The following IL6ST variants were observed in gnomAD, a reference collection of about 807,000 sequenced individuals.
The protein encoded by IL6ST is interleukin-6 receptor subunit beta.
A neutral mutation model predicts 91.3 loss-of-function variants in IL6ST; 24 were observed. That is an observed-to-expected ratio of 0.26 (90% CI 0.19 to 0.37). The LOEUF is 0.37. Ranked by LOEUF, IL6ST falls within the 10% of genes least tolerant of loss-of-function variation. The pLI, the probability that IL6ST is intolerant of heterozygous loss-of-function variation, is 1.00. For missense variants in IL6ST, 914 were observed against 1,078.5 expected, an observed-to-expected ratio of 0.85 and a Z score of 2.14; for synonymous variants, 351 against 373.6, an observed-to-expected ratio of 0.94 and a Z score of 0.70.
Position 55,937,935 on chromosome 5 carries a change from A to T in IL6ST, c.*3147T>A, listed in dbSNP as rs927708013. Reference sequence around the variant, plus strand: ...CCTGCTTGATGTACTTGGTCAATATATGTTAGTAAACAGAAATATTTTAGG... The same window carrying T: ...CCTGCTTGATGTACTTGGTCAATATTTGTTAGTAAACAGAAATATTTTAGG... On this transcript the variant is annotated 3_prime_UTR_variant, in exon 17 of 17. Transcript: ENST00000381298. 16 of 196,722 alleles carry T rather than the reference A, an allele frequency of 8.1e-5. No homozygotes were observed. The highest frequency in any genetic ancestry group is 3.7e-4 in the African/African-American group (16 of 43,296). The allele number at this position is 196,722 out of a possible 1,614,324, so 12.2% of individuals were successfully genotyped here.
chr5:55,964,505 C>T (rs1752527129), intron 5 of IL6ST, among the ~76,000 whole-genome samples, 193 bp from the exon 6 acceptor site: 1 of 152,174 alleles, frequency 6.6e-6, no homozygotes. Flanking sequence ...TATCTTAAAA[C>T]ATAAAATTAT....
chr5:55,943,891 G>A lies in IL6ST; in HGVS notation c.1938-1140C>T, dbSNP rs147362195. On this transcript the variant is annotated intron_variant, in intron 15 of 16. Coordinates refer to ENST00000381298, the MANE Select transcript of IL6ST (RefSeq NM_002184.4). Reference sequence around the variant, plus strand: ...TCAAGACCAGCCTGGCCAACATGGTGAAACCCCCATCTCTACTAAACTAAA... The same window carrying A: ...TCAAGACCAGCCTGGCCAACATGGTAAAACCCCCATCTCTACTAAACTAAA... 1.9e-3 allele frequency among the ~76,000 whole-genome samples: 294 copies of A among 152,238 alleles called. 2 individuals are homozygous for A. Among genetic ancestry groups the A allele is most frequent in the African/African-American group, 6.8e-3 (283 of 41,532 alleles).
At chr5:55,952,148 A>C in intron 12 of IL6ST, 73 bp from the exon 13 acceptor site, 1 of 1,518,062 alleles carries the variant, frequency 6.6e-7, no homozygotes, top group South Asian at 1.2e-5. Context: ...TCATAAAATC[A>C]TTTGAACATA....
At chr5:55,982,500 T>C (rs1229377018) in intron 2 of IL6ST, among the ~76,000 whole-genome samples, 1 of 152,188 alleles carries the variant, frequency 6.6e-6, no homozygotes, top group Non-Finnish European at 1.5e-5. Flanking sequence ...AATTATTAAA[T>C]TAGTTTTTAA....
rs765255867 is a variant in IL6ST at position 55,956,125 on chromosome 5, T to C, written c.1167A>G (p.Val389=). Residue 389 remains valine (V), a synonymous_variant, in exon 10 of 17, where the codon GTA becomes GTG. Transcript: ENST00000381298. The part of the protein sequence containing the change: ...NYTVNATKLT[V]NLTNDRYLAT... ...CTAGATAGCGATCATTTGTGAGATT[T>C]ACTGTCAGTTTTGTGGCATTAACTG... The C allele has an allele frequency of 1.2e-5, 19 of 1,612,214 alleles. No individual in the cohort carries two copies. In the South Asian group the frequency reaches 1.9e-4, roughly 16 times the overall value.
chr5:55,971,570 C>T (rs1752964922), intron 3 of IL6ST, among the ~76,000 whole-genome samples: 3 of 152,280 alleles, frequency 2.0e-5, no homozygotes, highest in African/African-American at 7.2e-5. Flanking sequence ...ATCCTATTTG[C>T]TGTGGGGTTC....
intron 14 of IL6ST, among the ~76,000 whole-genome samples, chr5:55,950,535 CAAAAAAAAAA>C (rs70995750): frequency 3.4e-5 from 1 of 29,362 alleles, no homozygotes; most frequent in Admixed American, 3.8e-4. Context: ...GACTCTGTCT[CAAAAAAAAAA>C]AAAAAAAAAA....
intron 1 of IL6ST, among the ~76,000 whole-genome samples, chr5:55,993,272 T>A (rs575188875): frequency 3.3e-4 from 51 of 152,332 alleles, no homozygotes; most frequent in African/African-American, 1.2e-3. Context: ...CGTGTCAACA[T>A]GACAAAATGA....
chr5:55,974,819 C>T (rs1753178239), intron 3 of IL6ST, among the ~76,000 whole-genome samples: 1 of 151,814 alleles, frequency 6.6e-6, no homozygotes, highest in Non-Finnish European at 1.5e-5. Flanking sequence ...CACTAATAAC[C>T]CTAGGAGGTA....
In IL6ST at chr5:55,974,560, C is replaced by A. The variant is rs1215587158; in HGVS notation, c.64+1655G>T. Among the ~76,000 whole-genome samples, 3 of 152,200 alleles carry A rather than the reference C, an allele frequency of 2.0e-5. No individual in the cohort carries two copies. The East Asian group carries it at 5.8e-4, about 29-fold the overall frequency. On this transcript the variant is annotated intron_variant, in intron 3 of 16. Coordinates refer to ENST00000381298, the MANE Select transcript of IL6ST (RefSeq NM_002184.4). Reference sequence around the variant, plus strand: ...AGTGCAGTGGTGCAATCTTGGCTCACTGCAACCTCCGCCTCCCAGGCTCAA... The same window carrying A: ...AGTGCAGTGGTGCAATCTTGGCTCAATGCAACCTCCGCCTCCCAGGCTCAA...
At position 55,952,231 on chromosome 5, in the gene IL6ST, G is replaced by T; in HGVS notation, c.1552+19C>A. The T allele has an allele frequency of 6.4e-7, 1 of 1,562,696 alleles. No individual in the cohort carries two copies. The highest frequency in any genetic ancestry group is 8.7e-7 in the Non-Finnish European group (1 of 1,146,688). On this transcript the variant is annotated intron_variant, in intron 12 of 16. Transcript: ENST00000381298. Reference sequence around the variant, plus strand: ...AAAGCCCTAAACTTTTTTTTTCAAAGAAGTGAGTTTGGACTTACGAGCTTG... The same window carrying T: ...AAAGCCCTAAACTTTTTTTTTCAAATAAGTGAGTTTGGACTTACGAGCTTG...
chr5:55,968,146 G>A, intron 5 of IL6ST, 130 bp downstream of exon 5: 1 of 913,340 alleles, frequency 1.1e-6, no homozygotes. Context: ...ACATATATTT[G>A]AAATGTTACA....
intron 1 of IL6ST, among the ~76,000 whole-genome samples, chr5:55,989,660 T>C (rs1754201615): frequency 1.3e-5 from 2 of 152,172 alleles, no homozygotes; most frequent in African/African-American, 4.8e-5. Context: ...ACAAACATAA[T>C]TGAAGCCATA....
In IL6ST at chr5:55,962,896, CTT is replaced by C. The variant is rs1213627234; in HGVS notation, c.813+454_813+455del. ...TTGGGAGGCCAAGGTAGGAGAATCGCTTAAGGCCAGGAGTTTGAGACCATCCT... is the reference window on the plus strand; with the variant it reads ...TTGGGAGGCCAAGGTAGGAGAATCGCAAGGCCAGGAGTTTGAGACCATCCT... On this transcript the variant is annotated intron_variant, in intron 7 of 16. Coordinates refer to ENST00000381298, the MANE Select transcript of IL6ST (RefSeq NM_002184.4). 2.0e-5 allele frequency among the ~76,000 whole-genome samples: 3 copies of C among 152,044 alleles called. No individual in the cohort carries two copies. In the East Asian group the frequency reaches 5.8e-4, roughly 29 times the overall value.
At chr5:55,993,722 T>G (rs1293590829) in intron 1 of IL6ST, among the ~76,000 whole-genome samples, 1 of 152,196 alleles carries the variant, frequency 6.6e-6, no homozygotes, top group Non-Finnish European at 1.5e-5. Flanking sequence ...AAGCACAATT[T>G]AATAGCAAGT....
chr5:55,972,337 C>T (rs1040922015), intron 3 of IL6ST, among the ~76,000 whole-genome samples: 1 of 151,668 alleles, frequency 6.6e-6, no homozygotes, highest in South Asian at 2.1e-4. Context: ...ATAGTGAAAC[C>T]CTGTCTCTAC....
Position 55,939,107 on chromosome 5 carries a change from T to C in IL6ST, c.*1975A>G, listed in dbSNP as rs1750719240. On this transcript the variant is annotated 3_prime_UTR_variant, in exon 17 of 17. Transcript: ENST00000381298. ...CTAAATATTAGTCATGTGACTTAAA[T>C]TTTGAGAAAATGGAAAATGTAATAG... 4.8e-6 allele frequency: 1 copy of C among 207,270 alleles called. No homozygotes were observed. Among genetic ancestry groups the C allele is most frequent in the African/African-American group, 2.3e-5 (1 of 43,966 alleles). The allele number at this position is 207,270 out of a possible 1,614,324, so 12.8% of individuals were successfully genotyped here.
chr5:55,982,921 C>T (rs1003813499), intron 1 of IL6ST, 110 bp from the exon 2 acceptor site: 3 of 390,906 alleles, frequency 7.7e-6, no homozygotes, highest in African/African-American at 6.2e-5. Context: ...CAGAAAGTAT[C>T]CTACTTTAGA....
At chr5:55,979,274 A>C (rs565897447) in intron 2 of IL6ST, among the ~76,000 whole-genome samples, 1 of 152,302 alleles carries the variant, frequency 6.6e-6, no homozygotes, top group East Asian at 1.9e-4. Context: ...TACGCTCTGC[A>C]TGATTTATTT....
Sources: gnomAD v4.1 joint callset for allele counts (sites outside exome capture counted in the v4.1 genomes callset) on GRCh38, gnomAD v4.1.1 for gene constraint, MANE v1.5 for transcripts, NCBI Gene and HGNC (gene_info 2026-07-23, HGNC 2026-07-21) for gene names.